Variants in KDM4C observed in about 807,000 individuals in gnomAD.
KDM4C encodes the protein lysine demethylase 4C.
KDM4C carries 81 observed loss-of-function variants against 129.3 expected under a neutral mutation model. The ratio of observed to expected loss-of-function variants is 0.63; its 90% CI spans 0.52 to 0.75. KDM4C has a LOEUF of 0.75. KDM4C is among the 30% of genes least tolerant of loss of function. KDM4C has a pLI of 0.00. For missense variants in KDM4C, 1,457 were observed against 1,304.0 expected (o/e 1.12, Z -1.81); for synonymous variants, 573 against 456.1 (o/e 1.26, Z -3.26).
chr9:7,165,818 G>C (rs1844321038), intron 20 of KDM4C, among the ~76,000 whole-genome samples: 1 of 152,110 alleles, frequency 6.6e-6, no homozygotes, highest in Non-Finnish European at 1.5e-5. Flanking sequence ...ACATAGATGT[G>C]GCCAGTTAAT....
intron 4 of KDM4C, among the ~76,000 whole-genome samples, chr9:6,837,382 T>C (rs1242656802): frequency 6.6e-6 from 1 of 152,216 alleles, no homozygotes. Flanking sequence ...GACAGCTTTA[T>C]TGAGCTATAA....
In KDM4C at chr9:6,739,060, A is replaced by G. The variant is rs551356056; in HGVS notation, c.49+18063A>G. Among the ~76,000 whole-genome samples, 10 of 150,934 alleles carry G rather than the reference A, an allele frequency of 6.6e-5. No homozygotes were observed. In the East Asian group the frequency reaches 2.0e-3, roughly 30 times the overall value. ...TCCGGATTTTTTCCTTTGCAGATCT[A>G]TATGTAGATATTCCTAATTATTATT... On this transcript the variant is annotated intron_variant, in intron 1 of 17. Transcript: ENST00000536108.
chr9:6,867,782 A>G (rs1842274037), intron 5 of KDM4C, among the ~76,000 whole-genome samples: 1 of 152,194 alleles, frequency 6.6e-6, no homozygotes. Flanking sequence ...AATGGCTTCT[A>G]CTTATGAAAC....
At chr9:6,726,577 A>G (rs1817138796) in intron 1 of KDM4C, 1 of 152,376 alleles carries the variant, frequency 6.6e-6, no homozygotes, top group Non-Finnish European at 1.5e-5. Context: ...CTCTTTGGCT[A>G]CCATGGTCAC....
At chr9:6,722,295 A>C (rs1816981482) in intron 1 of KDM4C, among the ~76,000 whole-genome samples, 1 of 152,098 alleles carries the variant, frequency 6.6e-6, no homozygotes. Context: ...CCAGTGTCCT[A>C]GTTGTTACTA....
intron 6 of KDM4C, among the ~76,000 whole-genome samples, chr9:6,886,672 G>A (rs1405949053): frequency 2.0e-5 from 3 of 151,630 alleles, no homozygotes; most frequent in African/African-American, 7.3e-5. Flanking sequence ...TTTTGTATTT[G>A]TAGTAGAGAC....
intron 8 of KDM4C, among the ~76,000 whole-genome samples, chr9:6,909,223 G>C (rs1818849854): frequency 6.6e-6 from 1 of 152,212 alleles, no homozygotes; most frequent in Admixed American, 6.5e-5. Flanking sequence ...TTCTTGTCCA[G>C]CTGTAGCTCT....
chr9:6,792,920 A>T, intron 1 of KDM4C, 52 bp from the exon 2 acceptor site: 2 of 1,569,900 alleles, frequency 1.3e-6, no homozygotes, highest in Non-Finnish European at 1.7e-6. Context: ...GTTAAAAATG[A>T]CCTAAAGCAT....
intron 17 of KDM4C, among the ~76,000 whole-genome samples, chr9:7,099,876 TC>T (rs1402516726): frequency 5.9e-5 from 9 of 152,142 alleles, no homozygotes; most frequent in African/African-American, 2.2e-4. Flanking sequence ...CATACACTTT[TC>T]AATTTTCAAT....
intron 8 of KDM4C, among the ~76,000 whole-genome samples, chr9:6,962,366 C>T (rs567723545): frequency 3.6e-4 from 55 of 152,278 alleles, no homozygotes; most frequent in South Asian, 1.5e-3. Flanking sequence ...TGTTCAGAAA[C>T]GCAAACTGAC....
chr9:7,172,143 T>A (rs1845028792), intron 21 of KDM4C, among the ~76,000 whole-genome samples: 1 of 152,198 alleles, frequency 6.6e-6, no homozygotes, highest in African/African-American at 2.4e-5. Context: ...TGTTTTATGG[T>A]TAGAAAAGTC....
intron 1 of KDM4C, among the ~76,000 whole-genome samples, chr9:6,747,784 G>A (rs942858991): frequency 3.3e-5 from 5 of 152,200 alleles, no homozygotes; most frequent in Non-Finnish European, 7.3e-5. Flanking sequence ...TGCTTGAGCA[G>A]CCCGCTCTGA....
intron 4 of KDM4C, among the ~76,000 whole-genome samples, chr9:6,824,256 G>C (rs1351741276): frequency 1.3e-5 from 2 of 152,180 alleles, no homozygotes; most frequent in Non-Finnish European, 2.9e-5. Flanking sequence ...GTTCATTGGT[G>C]ACAGGTGTCA....
intron 17 of KDM4C, among the ~76,000 whole-genome samples, chr9:7,077,684 A>G (rs904492628): frequency 1.3e-5 from 2 of 152,198 alleles, no homozygotes; most frequent in Non-Finnish European, 2.9e-5. Flanking sequence ...AACACCTTTA[A>G]GCTGCCTCAT....
chr9:6,992,890 G>A (rs1256068982), intron 12 of KDM4C, among the ~76,000 whole-genome samples: 3 of 152,190 alleles, frequency 2.0e-5, no homozygotes, highest in Non-Finnish European at 4.4e-5. Flanking sequence ...AAGCTGGAAA[G>A]TTTCTCCCTA....
chr9:7,045,016 T>G (rs961027691), intron 15 of KDM4C, among the ~76,000 whole-genome samples: 1 of 151,970 alleles, frequency 6.6e-6, no homozygotes, highest in Admixed American at 6.6e-5. Context: ...GAATTGTCTA[T>G]TAGATACTGT....
At chr9:6,824,380 T>G (rs1482355496) in intron 4 of KDM4C, among the ~76,000 whole-genome samples, 2 of 152,082 alleles carry the variant, frequency 1.3e-5, no homozygotes, top group Non-Finnish European at 2.9e-5. Flanking sequence ...AGCAAGATGG[T>G]CTAGTTACAG....
intron 17 of KDM4C, among the ~76,000 whole-genome samples, chr9:7,084,195 C>G (rs1325277190): frequency 2.6e-5 from 4 of 152,192 alleles, no homozygotes; most frequent in Admixed American, 2.6e-4. Context: ...ACCTGTGCCA[C>G]TACTCAGCTG....
intron 4 of KDM4C, chr9:6,835,565 C>G (rs1835732632): frequency 1.8e-6 from 2 of 1,092,000 alleles, no homozygotes; most frequent in Non-Finnish European, 2.8e-6. Flanking sequence ...ATCCATCCTT[C>G]AAATGCTTCT....
Sources: allele counts gnomAD v4.1 joint callset (sites outside exome capture counted in the v4.1 genomes callset), GRCh38; gene constraint gnomAD v4.1.1; transcripts MANE v1.5; gene names NCBI Gene and HGNC (gene_info 2026-07-23, HGNC 2026-07-21).